GRIK1: variants seen among roughly 807,000 people sequenced by gnomAD.
GRIK1 encodes the protein glutamate receptor ionotropic, kainate 1.
A neutral mutation model predicts 105.7 loss-of-function variants in GRIK1; 69 were observed. The observed-to-expected ratio is 0.65, with a 90% CI of 0.54 to 0.80. The LOEUF is 0.80. Ranked by LOEUF, GRIK1 falls within the 30% of genes least tolerant of loss-of-function variation. The probability of loss-of-function intolerance (pLI) is 0.00; values close to 1 mark genes in which losing one functional copy is unlikely to be tolerated. For synonymous variants in GRIK1, 438 were observed against 431.3 expected (o/e 1.02, Z -0.19); for missense variants, 1,109 against 1,167.3 (o/e 0.95, Z 0.73).
At chr21:29,913,740 C>T (rs1014176839) in intron 1 of GRIK1, among the ~76,000 whole-genome samples, 1 of 151,132 alleles carries the variant, frequency 6.6e-6, no homozygotes, top group African/African-American at 2.4e-5. Flanking sequence ...ACTAAGGCAT[C>T]ATCAGAAGTG....
intron 16 of GRIK1, among the ~76,000 whole-genome samples, chr21:29,541,687 T>C (rs967571048): frequency 6.3e-5 from 9 of 142,292 alleles, no homozygotes; most frequent in Admixed American, 2.2e-4. Context: ...TTGCTTATAC[T>C]AGTGTTTTAG....
At chr21:29,561,579 C>T in intron 15 of GRIK1, 45 bp downstream of exon 15, 1 of 1,306,028 alleles carries the variant, frequency 7.7e-7, no homozygotes, top group Non-Finnish European at 1.1e-6. Context: ...ATACTGGTAA[C>T]TGACATTCTG....
chr21:29,867,968 GAAAAAGAGAGAA>G (rs2068880747), intron 1 of GRIK1, among the ~76,000 whole-genome samples: 1 of 103,208 alleles, frequency 9.7e-6, no homozygotes, highest in South Asian at 4.0e-4. Flanking sequence ...AAATGAGAGA[GAAAAAGAGAGAA>G]AAAGAGGAGA....
chr21:29,857,434 C>T (rs973858096), intron 1 of GRIK1, among the ~76,000 whole-genome samples: 2 of 152,098 alleles, frequency 1.3e-5, no homozygotes, highest in Non-Finnish European at 1.5e-5. Context: ...ATGTTTCTTA[C>T]AACAATGCAT....
intron 6 of GRIK1, among the ~76,000 whole-genome samples, chr21:29,650,361 T>G (rs1568932975): frequency 2.6e-5 from 4 of 152,226 alleles, no homozygotes; most frequent in Admixed American, 6.5e-5. Context: ...CTGCCTGCAT[T>G]CCACAATATC....
chr21:29,874,341 T>C (rs1474483406), intron 1 of GRIK1, among the ~76,000 whole-genome samples: 3 of 152,220 alleles, frequency 2.0e-5, no homozygotes, highest in Non-Finnish European at 4.4e-5. Flanking sequence ...GCTTACTGCA[T>C]GAACCACCCT....
chr21:29,646,966 C>T lies in GRIK1; in HGVS notation c.955-3997G>A, dbSNP rs543215811. 1.4e-4 allele frequency among the ~76,000 whole-genome samples: 22 copies of T among 152,148 alleles called. No individual in the cohort carries two copies. In the South Asian group the frequency reaches 4.4e-3, roughly 30 times the overall value. ...GTTCAAGCGATTCTCCTGCTTCAGC[C>T]TCCTGAGTAGCTGGGATTACAGGCG... On this transcript the variant is annotated intron_variant, in intron 6 of 17. Coordinates refer to ENST00000327783, the MANE Select transcript of GRIK1 (RefSeq NM_001330994.2).
intron 1 of GRIK1, among the ~76,000 whole-genome samples, chr21:29,815,765 G>A (rs2067139335): frequency 6.6e-6 from 1 of 152,036 alleles, no homozygotes; most frequent in South Asian, 2.1e-4. Context: ...CCGGTCAATA[G>A]AGAGTGAAAA....
intron 1 of GRIK1, among the ~76,000 whole-genome samples, chr21:29,771,028 G>A (rs2065799851): frequency 6.6e-6 from 1 of 152,172 alleles, no homozygotes; most frequent in South Asian, 2.1e-4. Context: ...TTAATTAAAT[G>A]TGGTTTCTAT....
chr21:29,811,903 T>A (rs1253886873), intron 1 of GRIK1, among the ~76,000 whole-genome samples: 1 of 152,172 alleles, frequency 6.6e-6, no homozygotes, highest in Admixed American at 6.6e-5. Flanking sequence ...CCTGGAAACC[T>A]CTTTTCCTCT....
rs1438104581 is a variant in GRIK1, at chr21:29,561,611, CTACCCGTCT to C, written c.2356+4_2356+12del. 1 of 1,532,036 alleles carries C rather than the reference CTACCCGTCT, an allele frequency of 6.5e-7. No homozygotes were observed. Among genetic ancestry groups the C allele is most frequent in the Non-Finnish European group, 9.0e-7 (1 of 1,105,230 alleles). The allele number at this position is 1,532,036 out of a possible 1,614,324, so 94.9% of individuals were successfully genotyped here. Reference sequence around the variant, plus strand: ...TCTGTATCTCAGTCTTGGTTCATGTCTACCCGTCTTACCAATAGGTGTTCCCACTCCGTA... The same window carrying C: ...TCTGTATCTCAGTCTTGGTTCATGTCTACCAATAGGTGTTCCCACTCCGTA... On this transcript the variant is annotated splice_donor_5th_base_variant and intron_variant, in intron 15 of 17. Coordinates refer to ENST00000327783, the MANE Select transcript of GRIK1 (RefSeq NM_001330994.2).
At chr21:29,580,998 A>G (rs567911540) in intron 13 of GRIK1, among the ~76,000 whole-genome samples, 1 of 152,242 alleles carries the variant, frequency 6.6e-6, no homozygotes, top group South Asian at 2.1e-4. Context: ...CAGAGTAGTA[A>G]TTAGGTGGAA....
At chr21:29,803,833 T>C (rs868139409) in intron 1 of GRIK1, among the ~76,000 whole-genome samples, 2 of 152,148 alleles carry the variant, frequency 1.3e-5, no homozygotes, top group African/African-American at 4.8e-5. Context: ...ACCCCATTCC[T>C]ACCTGTAAGT....
chr21:29,773,264 A>T (rs2065858954), intron 1 of GRIK1, among the ~76,000 whole-genome samples: 1 of 152,218 alleles, frequency 6.6e-6, no homozygotes, highest in Non-Finnish European at 1.5e-5. Context: ...AGATAAATGC[A>T]CAGGACACAG....
intron 14 of GRIK1, among the ~76,000 whole-genome samples, chr21:29,575,790 C>T (rs2090878212): frequency 6.6e-6 from 1 of 152,112 alleles, no homozygotes; most frequent in African/African-American, 2.4e-5. Flanking sequence ...CAAGATCGCG[C>T]CACTGGACTC....
At position 29,866,966 on chromosome 21, in the gene GRIK1, G is replaced by A. The variant is rs532110371; in HGVS notation, c.118+72417C>T. On this transcript the variant is annotated intron_variant, in intron 1 of 17. Transcript: ENST00000327783. ...AATGTCTAATTCATTCAGCATGTGA[G>A]CCTCACATATTTGTTTGAACCCAGT... Among the ~76,000 whole-genome samples the A allele has an allele frequency of 1.1e-4, 17 of 152,294 alleles. No homozygotes were observed. In the East Asian group the frequency reaches 2.3e-3, roughly 21 times the overall value.
chr21:29,778,860 C>T (rs1237345514), intron 1 of GRIK1, among the ~76,000 whole-genome samples: 3 of 152,152 alleles, frequency 2.0e-5, no homozygotes, highest in African/African-American at 7.2e-5. Context: ...TCATTGGCTT[C>T]TGGTCCTTCC....
chr21:29,594,869 A>C (rs1258611941), intron 9 of GRIK1, among the ~76,000 whole-genome samples: 1 of 152,184 alleles, frequency 6.6e-6, no homozygotes, highest in African/African-American at 2.4e-5. Context: ...AAAGATTGCT[A>C]CCTTCCTCTT....
chr21:29,669,732 C>T (rs1191988280), intron 4 of GRIK1, among the ~76,000 whole-genome samples: 1 of 152,152 alleles, frequency 6.6e-6, no homozygotes, highest in Non-Finnish European at 1.5e-5. Flanking sequence ...GGATGCCACA[C>T]ACCTTTGTTG....
Sources: gnomAD v4.1 joint callset for allele counts (sites outside exome capture counted in the v4.1 genomes callset) on GRCh38, gnomAD v4.1.1 for gene constraint, MANE v1.5 for transcripts, NCBI Gene and HGNC (gene_info 2026-07-23, HGNC 2026-07-21) for gene names.